The following ANKDD1A variants were observed in gnomAD, a reference collection of about 807,000 sequenced individuals.
ANKDD1A encodes ankyrin repeat and death domain containing 1A.
In ANKDD1A, 59 loss-of-function variants were observed where a neutral mutation model predicts 63.5. That is an observed-to-expected ratio of 0.93 (90% CI 0.75 to 1.15). ANKDD1A has a LOEUF of 1.15. Ranked by LOEUF, ANKDD1A falls within the 50% of genes most tolerant of loss-of-function variation. ANKDD1A has a pLI of 0.00. For missense variants in ANKDD1A, 632 were observed against 656.4 expected, an observed-to-expected ratio of 0.96 and a Z score of 0.41; for synonymous variants, 266 against 263.9, an observed-to-expected ratio of 1.01 and a Z score of -0.08.
chr15:64,952,066 C>A (rs978244034), intron 14 of ANKDD1A, among the ~76,000 whole-genome samples: 2 of 4,162 alleles, frequency 4.8e-4, no homozygotes, highest in African/African-American at 6.3e-4. Context: ...TTAGTTCTTC[C>A]TTTCTTCTTC....
intron 1 of ANKDD1A, among the ~76,000 whole-genome samples, chr15:64,915,078 G>A (rs1292133902): frequency 6.6e-6 from 1 of 152,350 alleles, no homozygotes; most frequent in Admixed American, 6.5e-5. Flanking sequence ...GCCGAGGCAG[G>A]CAGATCACTT....
intron 10 of ANKDD1A, 83 bp from the exon 11 acceptor site, chr15:64,943,401 A>G: frequency 9.1e-7 from 1 of 1,104,646 alleles, no homozygotes; most frequent in South Asian, 1.3e-5. Flanking sequence ...GAAATATACT[A>G]GGATCATTGT....
intron 14 of ANKDD1A, among the ~76,000 whole-genome samples, chr15:64,954,381 TTTC>T (rs1296376919): frequency 4.9e-3 from 39 of 7,996 alleles, no homozygotes; most frequent in African/African-American, 5.0e-3. Flanking sequence ...TTCCTTTTCT[TTTC>T]TTCTTCTTTC....
Position 64,911,935 on chromosome 15 carries a change from A to G in ANKDD1A, c.5A>G (p.Gln2Arg). 8.5e-7 allele frequency: 1 copy of G among 1,180,688 alleles called. No individual in the cohort carries two copies. The highest frequency in any genetic ancestry group is 1.1e-6 in the Non-Finnish European group (1 of 950,516). 73.1% of individuals were successfully genotyped at this position (1,180,688 alleles called of 1,614,324 possible). Residue 2 changes from glutamine to arginine, a missense_variant, in exon 1 of 15, where the codon CAG (glutamine) becomes CGG (arginine). Gln to Arg is a conservative substitution (Grantham distance 43). Transcript: ENST00000319580. Reference protein sequence around the residue: MQEELAWETDGL... With the variant: MREELAWETDGL... ...CAGGGGCTGCGGAGCGGCAGGATGC[A>G]GGAGGAGCTGGCGTGGGAGACCGAC...
intron 13 of ANKDD1A, among the ~76,000 whole-genome samples, chr15:64,948,832 G>GA (rs886808535): frequency 2.7e-4 from 39 of 146,288 alleles, no homozygotes; most frequent in East Asian, 4.0e-4. Context: ...TCTCCCAAAG[G>GA]AAAAAAAAAA....
intron 14 of ANKDD1A, among the ~76,000 whole-genome samples, chr15:64,952,913 TCTC>T (rs1429738920): frequency 3.4e-5 from 5 of 147,252 alleles, no homozygotes; most frequent in African/African-American, 7.4e-5. Flanking sequence ...CTTCTCTTCT[TCTC>T]CTTCTTCTTA....
At chr15:64,926,258 G>C in intron 5 of ANKDD1A, 88 bp downstream of exon 5, 1 of 1,306,334 alleles carries the variant, frequency 7.7e-7, no homozygotes, top group Non-Finnish European at 1.1e-6. Context: ...CACATTCCTT[G>C]GGTGCATCCT....
At chr15:64,932,103 C>A (rs943599366) in intron 8 of ANKDD1A, 2 of 157,330 alleles carry the variant, frequency 1.3e-5, no homozygotes, top group South Asian at 3.8e-4. Context: ...ACCATGTTGG[C>A]CAGGCTGGTC....
intron 2 of ANKDD1A, 69 bp from the exon 3 acceptor site, chr15:64,917,317 G>C (rs1029442384): frequency 8.6e-6 from 13 of 1,517,492 alleles, no homozygotes; most frequent in Non-Finnish European, 1.2e-5. Flanking sequence ...TCCTGGGGGA[G>C]GGTGTGGGAG....
Position 64,934,247 on chromosome 15 carries a change from C to G in ANKDD1A, c.867+13C>G. ...CGTGGTTGATCATGTAAGTATGGTG[C>G]GAGTGTTGAAGGGGGTCTCCATTGC... On this transcript the variant is annotated intron_variant, in intron 9 of 14. Coordinates refer to ENST00000319580, the MANE Select transcript of ANKDD1A (RefSeq NM_182703.6). The G allele has an allele frequency of 6.2e-7, 1 of 1,606,312 alleles. No homozygotes were observed.
intron 9 of ANKDD1A, among the ~76,000 whole-genome samples, chr15:64,940,694 T>C (rs1231690507): frequency 6.6e-6 from 1 of 151,860 alleles, no homozygotes; most frequent in Non-Finnish European, 1.5e-5. Flanking sequence ...CACCTCGGCC[T>C]CCCAAAGTGC....
chr15:64,917,765 C>A (rs28373887), intron 3 of ANKDD1A, among the ~76,000 whole-genome samples: 7,960 of 152,204 alleles, frequency 0.052, 713 homozygotes, highest in African/African-American at 0.18. Context: ...TGATACCATG[C>A]GAACAGAGAG....
At position 64,930,807 on chromosome 15, in the gene ANKDD1A, C is replaced by T. The variant is rs781085568; in HGVS notation, c.571-15C>T. 6.2e-7 allele frequency: 1 copy of T among 1,609,280 alleles called. No individual in the cohort carries two copies. Among genetic ancestry groups the T allele is most frequent in the East Asian group, 2.2e-5 (1 of 44,778 alleles). ...CTCTGGTCTGCTGGCCTCTCAGGAG[C>T]CCTTTTTCCTGCAGGAGGGGAACAC... On this transcript the variant is annotated splice_polypyrimidine_tract_variant and intron_variant, in intron 6 of 14. Transcript: ENST00000319580.
At chr15:64,956,464 A>G (rs2085417909) in intron 14 of ANKDD1A, among the ~76,000 whole-genome samples, 1 of 152,066 alleles carries the variant, frequency 6.6e-6, no homozygotes. Context: ...GAGGTAGGAG[A>G]ATGGCATGAA....
chr15:64,944,144 G>A (rs2085206279), intron 11 of ANKDD1A, among the ~76,000 whole-genome samples: 1 of 152,192 alleles, frequency 6.6e-6, no homozygotes, highest in Admixed American at 6.5e-5. Context: ...CCTGGGAGGG[G>A]GCCCCTTCTT....
intron 3 of ANKDD1A, 93 bp downstream of exon 3, chr15:64,917,607 A>G (rs1269841953): frequency 1.1e-5 from 16 of 1,482,584 alleles, no homozygotes; most frequent in Non-Finnish European, 1.4e-5. Flanking sequence ...TGCTGCTAAT[A>G]TGCAGACATT....
Position 64,921,957 on chromosome 15 carries a change from G to T in ANKDD1A, c.304G>T (p.Gly102Cys), listed in dbSNP as rs199588777. 37 of 1,614,092 alleles carry T rather than the reference G, an allele frequency of 2.3e-5. No individual in the cohort carries two copies. Among genetic ancestry groups the T allele is most frequent in the African/African-American group, 1.3e-5 (1 of 75,012 alleles). Residue 102 changes from glycine to cysteine, a missense_variant, in exon 4 of 15, where the codon GGC becomes TGC. By Grantham distance (159) the Gly-to-Cys change is radical (BLOSUM62 -3). Transcript: ENST00000319580. ...TGCGCTTCTCCTGTCTGCCTGGTTCGGCCACTTACGAATCCTCCAGATCTT... is the reference window on the plus strand; with the variant it reads ...TGCGCTTCTCCTGTCTGCCTGGTTCTGCCACTTACGAATCCTCCAGATCTT... ...MNALLLSAWF[G>C]HLRILQILVN...
intron 14 of ANKDD1A, among the ~76,000 whole-genome samples, chr15:64,955,355 T>C (rs2085408217): frequency 6.6e-6 from 1 of 152,190 alleles, no homozygotes; most frequent in South Asian, 2.1e-4. Context: ...GCTTGCCACC[T>C]GAGGCTGTCA....
At position 64,958,171 on chromosome 15, in the gene ANKDD1A, G is replaced by A. The variant is rs1336597823; in HGVS notation, c.*983G>A. 6.6e-6 allele frequency: 1 copy of A among 152,324 alleles called. No homozygotes were observed. The allele number at this position is 152,324 out of a possible 1,614,324, so 9.4% of individuals were successfully genotyped here. A position where few individuals can be genotyped will look rare whatever the true frequency, so the allele number is the denominator to read the frequency against. ...GAGCTGCAAGGGCAGTGAGAGGAAGGGAGGGATGAGGAGGTGGAGCGCAGG... is the reference window on the plus strand; with the variant it reads ...GAGCTGCAAGGGCAGTGAGAGGAAGAGAGGGATGAGGAGGTGGAGCGCAGG... On this transcript the variant is annotated 3_prime_UTR_variant, in exon 15 of 15. Transcript: ENST00000319580.
Sources: allele counts gnomAD v4.1 joint callset (sites outside exome capture counted in the v4.1 genomes callset), GRCh38; gene constraint gnomAD v4.1.1; transcripts MANE v1.5; gene names NCBI Gene and HGNC (gene_info 2026-07-23, HGNC 2026-07-21).